Variants in MOSMO observed in about 807,000 individuals in gnomAD.
The protein encoded by MOSMO is modulator of smoothened protein.
A neutral mutation model predicts 18.4 loss-of-function variants in MOSMO; 5 were observed. That is an observed-to-expected ratio of 0.27 (90% confidence interval 0.14 to 0.57). MOSMO has a LOEUF of 0.57. MOSMO is among the 20% of genes least tolerant of loss of function. MOSMO has a pLI of 0.92. For missense variants in MOSMO, 138 were observed against 211.8 expected, an observed-to-expected ratio of 0.65 and a Z score of 2.16; for synonymous variants, 82 against 82.3, an observed-to-expected ratio of 1.00 and a Z score of 0.02.
chr16:22,058,295 G>C (rs539355742), intron 1 of MOSMO, among the ~76,000 whole-genome samples: 7 of 152,054 alleles, frequency 4.6e-5, no homozygotes, highest in Non-Finnish European at 8.8e-5. Context: ...GCGTGATGGC[G>C]TGCTCCTGTA....
chr16:22,058,811 A>G (rs1474112685), intron 1 of MOSMO, among the ~76,000 whole-genome samples: 2 of 152,234 alleles, frequency 1.3e-5, no homozygotes, highest in Admixed American at 1.3e-4. Flanking sequence ...TCTGGAGCTT[A>G]AGAGAGATGT....
intron 1 of MOSMO, among the ~76,000 whole-genome samples, chr16:22,017,495 C>T (rs138453519): frequency 6.6e-6 from 1 of 152,260 alleles, no homozygotes; most frequent in Non-Finnish European, 1.5e-5. Flanking sequence ...CCCAACTAAG[C>T]AGCTAGCAGC....
At chr16:22,027,769 A>G (rs931223139) in intron 1 of MOSMO, among the ~76,000 whole-genome samples, 1 of 152,050 alleles carries the variant, frequency 6.6e-6, no homozygotes, top group African/African-American at 2.4e-5. Context: ...CTAAACACCT[A>G]CTCTACTTGT....
intron 1 of MOSMO, among the ~76,000 whole-genome samples, chr16:22,008,615 G>A (rs923429827): frequency 2.0e-5 from 3 of 151,934 alleles, no homozygotes; most frequent in African/African-American, 7.3e-5. Context: ...CGGGCTGAGG[G>A]GAGAGGCGCC....
At chr16:22,092,545 T>TGCTTGGAGGA in the MOSMO span, 3 of 1,504,980 alleles carry the variant, frequency 2.0e-6, no homozygotes, top group Middle Eastern at 1.7e-4. Flanking sequence ...GCTGCTGAGT[T>TGCTTGGAGGA]GCTTGGAGGA....
At chr16:22,066,525 A>G (rs753930360) in intron 1 of MOSMO, among the ~76,000 whole-genome samples, 10 of 152,156 alleles carry the variant, frequency 6.6e-5, no homozygotes, top group Non-Finnish European at 8.8e-5. Flanking sequence ...GCAAGCAGGA[A>G]GTGAGGGCCA....
rs1900241546 is a variant in MOSMO, at chr16:22,043,146, A to T, written c.107-32341A>T. Among the ~76,000 whole-genome samples, 7 of 152,340 alleles carry T rather than the reference A, an allele frequency of 4.6e-5. No individual in the cohort carries two copies. The South Asian group carries it at 1.4e-3, about 32-fold the overall frequency. On this transcript the variant is annotated intron_variant, in intron 1 of 2. Coordinates refer to ENST00000542527, the MANE Select transcript of MOSMO (RefSeq NM_001164579.2). ...TAAAGACATGCAGCATTGGGAATTT[A>T]ACATATGGAAAATTTTTCATCTGTT...
chr16:22,044,768 T>TA (rs1444812084), intron 1 of MOSMO, among the ~76,000 whole-genome samples: 1 of 152,174 alleles, frequency 6.6e-6, no homozygotes, highest in East Asian at 1.9e-4. Flanking sequence ...AGCCTTGCTG[T>TA]ATAGCTTACT....
In MOSMO at chr16:22,017,484, G is replaced by A. The variant is rs36031561; in HGVS notation, c.106+9077G>A. ...TTCCAAGTACTTTCTAGAATTCCCCGCCCAACTAAGCAGCTAGCAGCTTTA... is the reference window on the plus strand; with the variant it reads ...TTCCAAGTACTTTCTAGAATTCCCCACCCAACTAAGCAGCTAGCAGCTTTA... On this transcript the variant is annotated intron_variant, in intron 1 of 2. Transcript: ENST00000542527. Among the ~76,000 whole-genome samples the A allele has an allele frequency of 2.6e-5, 4 of 151,954 alleles. No homozygotes were observed. In the East Asian group the frequency reaches 5.8e-4, roughly 22 times the overall value.
intron 2 of MOSMO, among the ~76,000 whole-genome samples, chr16:22,077,646 G>A (rs963285804): frequency 6.4e-4 from 97 of 152,096 alleles, no homozygotes; most frequent in African/African-American, 1.7e-3. Flanking sequence ...GTTTTTAAAC[G>A]TAATATATCT....
intron 1 of MOSMO, among the ~76,000 whole-genome samples, chr16:22,035,184 A>G (rs749786290): frequency 1.6e-4 from 24 of 152,028 alleles, no homozygotes; most frequent in Non-Finnish European, 2.5e-4. Flanking sequence ...TCTTTGAGTG[A>G]GCCTGTGCCC....
At chr16:22,018,834 G>T (rs951079629) in intron 1 of MOSMO, among the ~76,000 whole-genome samples, 1 of 152,182 alleles carries the variant, frequency 6.6e-6, no homozygotes, top group African/African-American at 2.4e-5. Context: ...GAAGACTTGG[G>T]TGGTTCTTGT....
chr16:22,091,370 A>C (rs1455098583), downstream of MOSMO, among the ~76,000 whole-genome samples: 2 of 152,146 alleles, frequency 1.3e-5, no homozygotes, highest in Non-Finnish European at 2.9e-5. Context: ...CCATATGATG[A>C]CTACCACAAG....
rs56313303 is a variant in MOSMO at position 22,009,804 on chromosome 16, C to CAAAAAAAAAAA, written c.106+1420_106+1430dup. On this transcript the variant is annotated intron_variant, in intron 1 of 2. Coordinates refer to ENST00000542527, the MANE Select transcript of MOSMO (RefSeq NM_001164579.2). ...CGAAACCCCGTCTCTACTAAAAATA[C>CAAAAAAAAAAA]AAAAAAAAAAAAAAAAAAAAAAAAA... Among the ~76,000 whole-genome samples the CAAAAAAAAAAA allele has an allele frequency of 7.1e-3, 255 of 35,964 alleles. 1 individual carries two copies. Among genetic ancestry groups the CAAAAAAAAAAA allele is most frequent in the East Asian group, 0.01 (8 of 792 alleles). 23.6% of individuals were successfully genotyped at this position (35,964 alleles called of 152,430 possible). A position where few individuals can be genotyped will look rare whatever the true frequency, so the allele number is the denominator to read the frequency against.
chr16:22,011,447 C>G (rs1899526127), intron 1 of MOSMO, among the ~76,000 whole-genome samples: 1 of 152,114 alleles, frequency 6.6e-6, no homozygotes, highest in Non-Finnish European at 1.5e-5. Context: ...TATGGAGTGT[C>G]AGCTGGATAA....
intron 1 of MOSMO, among the ~76,000 whole-genome samples, chr16:22,059,639 T>TGAAC (rs1264549617): frequency 6.6e-6 from 1 of 152,064 alleles, no homozygotes; most frequent in Non-Finnish European, 1.5e-5. Context: ...GGAAGGAGAA[T>TGAAC]GAACGCAGGA....
At chr16:22,022,354 A>G (rs1347066110) in intron 1 of MOSMO, among the ~76,000 whole-genome samples, 1 of 152,086 alleles carries the variant, frequency 6.6e-6, no homozygotes, top group Non-Finnish European at 1.5e-5. Context: ...GTACATTCTA[A>G]CCATGCCCCT....
intron 1 of MOSMO, among the ~76,000 whole-genome samples, chr16:22,071,144 C>T (rs1900842129): frequency 6.6e-6 from 1 of 151,920 alleles, no homozygotes; most frequent in Non-Finnish European, 1.5e-5. Context: ...TTTTATTTCC[C>T]CAAGGAGGAA....
At chr16:22,033,798 G>A (rs917102673) in intron 1 of MOSMO, among the ~76,000 whole-genome samples, 2 of 151,968 alleles carry the variant, frequency 1.3e-5, no homozygotes, top group East Asian at 2.0e-4. Flanking sequence ...CAGCCTGGGC[G>A]GCAGAGCGAG....
Sources: allele counts gnomAD v4.1 joint callset (sites outside exome capture counted in the v4.1 genomes callset), GRCh38; gene constraint gnomAD v4.1.1; transcripts MANE v1.5; gene names NCBI Gene and HGNC (gene_info 2026-07-23, HGNC 2026-07-21).